RGS6: variants seen among roughly 807,000 people sequenced by gnomAD.
RGS6 encodes regulator of G protein signaling 6.
In RGS6, 30 loss-of-function variants were observed where a neutral mutation model predicts 78.5. The ratio of observed to expected loss-of-function variants is 0.38; its 90% CI spans 0.29 to 0.52. The LOEUF is 0.52. Ranked by LOEUF, RGS6 falls within the 20% of genes least tolerant of loss-of-function variation. The pLI is 0.85. For synonymous variants in RGS6, 206 were observed against 206.0 expected, an observed-to-expected ratio of 1.00 and a Z score of 0.00; for missense variants, 495 against 609.7, an observed-to-expected ratio of 0.81 and a Z score of 1.98.
chr14:72,457,716 TCCTC>T (rs1040683683), intron 4 of RGS6, among the ~76,000 whole-genome samples: 7 of 152,216 alleles, frequency 4.6e-5, no homozygotes, highest in African/African-American at 1.7e-4. Context: ...TCAGTGTCCT[TCCTC>T]TAATTTTCAA....
intron 2 of RGS6, among the ~76,000 whole-genome samples, chr14:72,040,357 T>G (rs2092281398): frequency 6.6e-6 from 1 of 152,064 alleles, no homozygotes. Flanking sequence ...TTCTCCTTCA[T>G]TTTTGAGTGA....
At chr14:72,508,562 CTTTTTTTTTTT>C (rs61097187) in intron 13 of RGS6, among the ~76,000 whole-genome samples, 5 of 56,460 alleles carry the variant, frequency 8.9e-5, no homozygotes, top group Admixed American at 7.8e-4. Context: ...ACACAAGCTC[CTTTTTTTTTTT>C]TTTTTTTTTT....
chr14:72,138,357 G>T (rs907755045), intron 2 of RGS6, among the ~76,000 whole-genome samples: 1 of 151,638 alleles, frequency 6.6e-6, no homozygotes, highest in Non-Finnish European at 1.5e-5. Flanking sequence ...TGAGGGGGAG[G>T]GTTAATGTCT....
intron 7 of RGS6, 148 bp downstream of exon 7, chr14:72,465,970 T>C (rs1055838345): frequency 7.6e-5 from 45 of 595,662 alleles, no homozygotes; most frequent in Non-Finnish European, 7.1e-5. Context: ...TCCTCCCTTG[T>C]TCTCAGCTCC....
At chr14:72,357,829 T>C (rs2080645427) in intron 3 of RGS6, among the ~76,000 whole-genome samples, 1 of 152,088 alleles carries the variant, frequency 6.6e-6, no homozygotes, top group Non-Finnish European at 1.5e-5. Context: ...AGGAACCAAA[T>C]GTTAATTGCC....
chr14:71,898,391 A>G, the RGS6 span, among the ~76,000 whole-genome samples: 2 of 152,338 alleles, frequency 1.3e-5, no homozygotes, highest in East Asian at 3.9e-4. Context: ...GAAATCTGGT[A>G]GAAATATATA....
At chr14:72,316,151 G>A (rs1390364114) in intron 2 of RGS6, among the ~76,000 whole-genome samples, 1 of 152,196 alleles carries the variant, frequency 6.6e-6, no homozygotes, top group Non-Finnish European at 1.5e-5. Flanking sequence ...CTAACAATCA[G>A]AAGGAAATAC....
chr14:72,227,129 G>A (rs1282665277), intron 2 of RGS6, among the ~76,000 whole-genome samples: 2 of 152,212 alleles, frequency 1.3e-5, no homozygotes, highest in East Asian at 1.9e-4. Flanking sequence ...ATATGAAGAT[G>A]TTGTATGTGC....
In RGS6 at chr14:72,141,928, C is replaced by T. The variant is rs34026752; in HGVS notation, c.84+177053C>T. On this transcript the variant is annotated intron_variant, in intron 2 of 17. Coordinates refer to ENST00000553525, the MANE Select transcript of RGS6 (RefSeq NM_001204424.2). Reference sequence around the variant, plus strand: ...AAACAAAACCCAAAGCACCTAGAACCGTGCTGGATTCTTGATAAATGCTTG... The same window carrying T: ...AAACAAAACCCAAAGCACCTAGAACTGTGCTGGATTCTTGATAAATGCTTG... 6.3e-3 allele frequency among the ~76,000 whole-genome samples: 950 copies of T among 151,736 alleles called. 1 individual carries two copies. The highest frequency in any genetic ancestry group is 0.027 in the Middle Eastern group (8 of 294).
chr14:72,508,848 C>A (rs924191614), intron 13 of RGS6, among the ~76,000 whole-genome samples: 2 of 151,966 alleles, frequency 1.3e-5, no homozygotes, highest in Non-Finnish European at 2.9e-5. Flanking sequence ...GTTCACAGAC[C>A]ACACCTTGAA....
chr14:72,021,692 G>A (rs767663753), intron 2 of RGS6, among the ~76,000 whole-genome samples: 6 of 151,568 alleles, frequency 4.0e-5, no homozygotes, highest in Admixed American at 6.6e-5. Flanking sequence ...GGCTGGTCTC[G>A]AACTCCTGAC....
At chr14:72,326,667 T>G (rs2073845416) in intron 2 of RGS6, among the ~76,000 whole-genome samples, 1 of 152,156 alleles carries the variant, frequency 6.6e-6, no homozygotes, top group Non-Finnish European at 1.5e-5. Context: ...CATGAACCAG[T>G]TAAACCTCTT....
chr14:72,352,178 C>A lies in RGS6; in HGVS notation c.168C>A (p.Ile56=), dbSNP rs1388304549. 1.4e-5 allele frequency: 23 copies of A among 1,613,004 alleles called. No individual in the cohort carries two copies. The East Asian group carries it at 5.1e-4, about 36-fold the overall frequency. The change falls in exon 3 of 18, where the codon ATC becomes ATA. Residue 56 remains isoleucine (I), a synonymous_variant. Transcript: ENST00000553525. ...IRTVKSFLSK[I]PSVVTGTDIV... Reference sequence around the variant, plus strand: ...CAGTCAAGAGCTTTCTCTCCAAAATCCCCAGTGTCGTCACAGGTAACACCC... The same window carrying A: ...CAGTCAAGAGCTTTCTCTCCAAAATACCCAGTGTCGTCACAGGTAACACCC...
At chr14:72,547,295 G>C (rs963280413) in intron 17 of RGS6, 8 of 1,535,554 alleles carry the variant, frequency 5.2e-6, no homozygotes, top group Non-Finnish European at 6.1e-6. Context: ...ACCCAACTCT[G>C]CCTGTGGTCC....
At chr14:72,469,842 G>A in intron 7 of RGS6, 165 bp from the exon 8 acceptor site, 3 of 615,552 alleles carry the variant, frequency 4.9e-6, no homozygotes, top group South Asian at 3.9e-5. Context: ...TGTACGGAGG[G>A]TCTGGCGCAA....
the RGS6 span, among the ~76,000 whole-genome samples, chr14:71,918,691 C>T: frequency 1.3e-5 from 2 of 152,144 alleles, no homozygotes; most frequent in African/African-American, 2.4e-5. Context: ...TTTCTTAAAT[C>T]TTGATCTTTT....
chr14:72,065,332 T>A (rs1271704616), intron 2 of RGS6, among the ~76,000 whole-genome samples: 13 of 152,250 alleles, frequency 8.5e-5, no homozygotes, highest in Non-Finnish European at 2.9e-5. Context: ...GGCCAAAGTT[T>A]GTGGATCTGC....
intron 2 of RGS6, among the ~76,000 whole-genome samples, chr14:72,239,171 T>C (rs886998979): frequency 1.3e-5 from 2 of 152,070 alleles, no homozygotes; most frequent in Non-Finnish European, 2.9e-5. Flanking sequence ...GCTAGGACTT[T>C]CTAGGATTCC....
At chr14:72,013,897 C>T (rs1008988432) in intron 2 of RGS6, among the ~76,000 whole-genome samples, 1 of 152,200 alleles carries the variant, frequency 6.6e-6, no homozygotes, top group Non-Finnish European at 1.5e-5. Context: ...TGGTCGTGTT[C>T]TTTAATTCAT....
Sources: allele counts gnomAD v4.1 joint callset (sites outside exome capture counted in the v4.1 genomes callset), GRCh38; gene constraint gnomAD v4.1.1; transcripts MANE v1.5; gene names NCBI Gene and HGNC (gene_info 2026-07-23, HGNC 2026-07-21).